TANC1: variants seen among roughly 807,000 people sequenced by gnomAD.
The protein encoded by TANC1 is protein TANC1.
TANC1 carries 77 observed loss-of-function variants against 149.7 expected under a neutral mutation model. The observed-to-expected ratio is 0.51, with a 90% confidence interval of 0.43 to 0.62. TANC1 has a LOEUF of 0.62. Among genes scored for constraint, TANC1 ranks in the 20% least tolerant of loss-of-function variants. The pLI is 0.00. For synonymous variants in TANC1, 854 were observed against 925.0 expected, an observed-to-expected ratio of 0.92 and a Z score of 1.39; for missense variants, 1,985 against 2,321.8, an observed-to-expected ratio of 0.85 and a Z score of 2.98.
At chr2:159,149,393 T>G in intron 6 of TANC1, 121 bp downstream of exon 6, 1 of 1,432,288 alleles carries the variant, frequency 7.0e-7, no homozygotes, top group Non-Finnish European at 9.8e-7. Context: ...TCTGGGCTGT[T>G]GTGTATTGAA....
intron 2 of TANC1, among the ~76,000 whole-genome samples, chr2:159,063,431 G>C (rs2042410362): frequency 6.6e-6 from 1 of 152,158 alleles, no homozygotes; most frequent in Non-Finnish European, 1.5e-5. Flanking sequence ...ATGGGTTTAA[G>C]GCCAGAGACG....
At chr2:159,199,262 T>C (rs2058076097) in intron 19 of TANC1, among the ~76,000 whole-genome samples, 2 of 152,238 alleles carry the variant, frequency 1.3e-5, no homozygotes, top group South Asian at 4.1e-4. Context: ...GCAATCCTAT[T>C]AACTGATTAT....
intron 2 of TANC1, among the ~76,000 whole-genome samples, chr2:159,058,337 CATAAAGTTGGGA>C (rs1327752830): frequency 1.3e-5 from 2 of 152,090 alleles, no homozygotes; most frequent in African/African-American, 4.8e-5. Flanking sequence ...TTATTTTGAC[CATAAAGTTGGGA>C]ATTAGTACTT....
chr2:159,136,788 C>CAAAA (rs34488237), intron 5 of TANC1, among the ~76,000 whole-genome samples: 33 of 119,056 alleles, frequency 2.8e-4, no homozygotes, highest in Non-Finnish European at 4.1e-4. Flanking sequence ...GAAGTAGGAG[C>CAAAA]AAAAAAAAAA....
At chr2:159,211,484 C>T (rs757000276) in intron 19 of TANC1, among the ~76,000 whole-genome samples, 7 of 152,228 alleles carry the variant, frequency 4.6e-5, no homozygotes, top group East Asian at 1.9e-4. Flanking sequence ...TCTTTTCCTT[C>T]GGGTCAGGTG....
At chr2:159,043,007 T>A (rs1424538179) in intron 2 of TANC1, among the ~76,000 whole-genome samples, 2 of 152,204 alleles carry the variant, frequency 1.3e-5, no homozygotes, top group Non-Finnish European at 2.9e-5. Flanking sequence ...GTAAACCGGA[T>A]GCATCTAGTA....
At chr2:159,131,782 G>C (rs1368470607) in intron 4 of TANC1, among the ~76,000 whole-genome samples, 1 of 152,172 alleles carries the variant, frequency 6.6e-6, no homozygotes, top group Non-Finnish European at 1.5e-5. Context: ...TAAAACCTAT[G>C]GTTATAAATT....
intron 7 of TANC1, among the ~76,000 whole-genome samples, chr2:159,157,944 C>A (rs1575012456): frequency 6.6e-6 from 1 of 152,174 alleles, no homozygotes. Flanking sequence ...AAATCACTCT[C>A]TTCAGAGAGT....
Position 159,010,803 on chromosome 2 carries a change from C to T in TANC1, c.-16+9614C>T, listed in dbSNP as rs1454290824. On this transcript the variant is annotated intron_variant, in intron 2 of 26. Coordinates refer to ENST00000263635, the MANE Select transcript of TANC1 (RefSeq NM_033394.3). The stretch of plus-strand genomic sequence containing the variant: ...GACAGATCACTCATTCACACTGGAT[C>T]TTAATTTCTTATCTAAAAATGAAGG... Among the ~76,000 whole-genome samples the T allele has an allele frequency of 2.0e-5, 3 of 148,544 alleles. No homozygotes were observed. The Admixed American group carries it at 2.0e-4, about 10-fold the overall frequency.
At chr2:159,181,648 T>A (rs1175944583) in intron 14 of TANC1, among the ~76,000 whole-genome samples, 1 of 152,244 alleles carries the variant, frequency 6.6e-6, no homozygotes, top group East Asian at 1.9e-4. Flanking sequence ...CAGAACAACC[T>A]GTCATGTCTT....
intron 2 of TANC1, among the ~76,000 whole-genome samples, chr2:159,022,525 G>T (rs949497959): frequency 2.0e-5 from 3 of 152,104 alleles, no homozygotes; most frequent in Non-Finnish European, 4.4e-5. Context: ...GTGGGCGATT[G>T]CTTCAGGTCA....
At position 159,082,999 on chromosome 2, in the gene TANC1, A is replaced by G. The variant is rs113466942; in HGVS notation, c.62-14638A>G. Among the ~76,000 whole-genome samples, 1,215 of 152,240 alleles carry G rather than the reference A, an allele frequency of 8.0e-3. 14 individuals carry two copies. Among genetic ancestry groups the G allele is most frequent in the African/African-American group, 0.027 (1,131 of 41,534 alleles). Reference sequence around the variant, plus strand: ...CTTGCTTTGTCTCCCAGGCTGGAGTACATTGGCACAATCTCAGCTCACTGC... The same window carrying G: ...CTTGCTTTGTCTCCCAGGCTGGAGTGCATTGGCACAATCTCAGCTCACTGC... On this transcript the variant is annotated intron_variant, in intron 3 of 26. Transcript: ENST00000263635.
chr2:159,038,373 A>T (rs1254398120), intron 2 of TANC1, among the ~76,000 whole-genome samples: 1 of 152,218 alleles, frequency 6.6e-6, no homozygotes, highest in African/African-American at 2.4e-5. Context: ...TGCCCTGGCC[A>T]GAACTTCCAA....
At chr2:159,195,451 A>T (rs1390530289) in intron 17 of TANC1, among the ~76,000 whole-genome samples, 6 of 152,166 alleles carry the variant, frequency 3.9e-5, no homozygotes. Flanking sequence ...GGTGAATGAG[A>T]ATGATATCGA....
In TANC1 at chr2:159,172,200, A is replaced by C. The variant is rs1262131537; in HGVS notation, c.1431A>C (p.Lys477Asn). 6.2e-7 allele frequency: 1 copy of C among 1,614,176 alleles called. No homozygotes were observed. The highest frequency in any genetic ancestry group is 1.1e-5 in the South Asian group (1 of 91,084). The change falls in exon 11 of 27, where the codon AAA becomes AAC. Residue 477 changes from lysine (K) to asparagine (N), a missense_variant. By Grantham distance (94) the Lys-to-Asn change is moderately conservative. Around this residue, in one of 3 missense-constraint regions of TANC1, gnomAD observed 557 missense variants for 612.9 expected, o/e 0.91. Transcript: ENST00000263635. ...SSSTSASSTA[K>N]TPLGSISAEN... ...CCACAAGTGCTTCCAGCACAGCTAA[A>C]ACACCTCTTGGGTCTATCAGTGCTG...
At chr2:159,012,436 C>CT (rs1007650455) in intron 2 of TANC1, among the ~76,000 whole-genome samples, 5 of 147,824 alleles carry the variant, frequency 3.4e-5, no homozygotes, top group Non-Finnish European at 7.4e-5. Context: ...CCTTGGCACT[C>CT]TATTTTTTTT....
intron 2 of TANC1, among the ~76,000 whole-genome samples, chr2:159,043,835 A>G (rs146133514): frequency 4.1e-4 from 62 of 152,328 alleles, no homozygotes; most frequent in Non-Finnish European, 7.8e-4. Flanking sequence ...AAAACTTCTT[A>G]AAGTTTAATG....
chr2:159,047,709 C>A (rs1338907613), intron 2 of TANC1, among the ~76,000 whole-genome samples: 1 of 152,128 alleles, frequency 6.6e-6, no homozygotes, highest in African/African-American at 2.4e-5. Context: ...CTCATGTTTC[C>A]CTAAAATGTA....
chr2:159,005,897 A>C (rs907305393), intron 2 of TANC1, among the ~76,000 whole-genome samples: 6 of 152,206 alleles, frequency 3.9e-5, no homozygotes, highest in African/African-American at 1.4e-4. Context: ...AAAGGCCAAA[A>C]AATTTTTTTT....
Sources: allele counts gnomAD v4.1 joint callset (sites outside exome capture counted in the v4.1 genomes callset), GRCh38; gene constraint gnomAD v4.1.1; regional missense constraint gnomAD v4.1.1; transcripts MANE v1.5; gene names NCBI Gene and HGNC (gene_info 2026-07-23, HGNC 2026-07-21).